The following MTBP variants were observed in gnomAD, a reference collection of about 807,000 sequenced individuals.
MTBP encodes MDM2 binding protein, also known as mdm2-binding protein.
In MTBP, 101 loss-of-function variants were observed where a neutral mutation model predicts 117.0. The ratio of observed to expected loss-of-function variants is 0.86; its 90% CI spans 0.73 to 1.02. The LOEUF is 1.02. MTBP is among the 50% of genes least tolerant of loss of function. The pLI is 0.00. For synonymous variants in MTBP, 350 were observed against 351.5 expected, an observed-to-expected ratio of 1.00 and a Z score of 0.05; for missense variants, 970 against 1,030.9, an observed-to-expected ratio of 0.94 and a Z score of 0.81.
intron 11 of MTBP, among the ~76,000 whole-genome samples, chr8:120,476,704 A>G (rs889082894): frequency 6.6e-6 from 1 of 152,200 alleles, no homozygotes; most frequent in Non-Finnish European, 1.5e-5. Flanking sequence ...AGGGCTGTGA[A>G]GGACCTTTTC....
intron 4 of MTBP, 22 bp from the exon 5 acceptor site, chr8:120,453,825 C>T: frequency 7.1e-7 from 1 of 1,414,856 alleles, no homozygotes; most frequent in Non-Finnish European, 9.7e-7. Context: ...TTTTCTTTCC[C>T]TAACTTACCC....
intron 15 of MTBP, among the ~76,000 whole-genome samples, chr8:120,503,719 G>C (rs945499697): frequency 6.6e-6 from 1 of 152,238 alleles, no homozygotes; most frequent in African/African-American, 2.4e-5. Flanking sequence ...AGAGCAGAGA[G>C]ACAGATGGCT....
rs573106346 is a variant in MTBP at position 120,478,866 on chromosome 8, C to A, written c.1165+7929C>A. Among the ~76,000 whole-genome samples, 587 of 152,010 alleles carry A rather than the reference C, an allele frequency of 3.9e-3. 2 individuals carry two copies. The highest frequency in any genetic ancestry group is 0.014 in the African/African-American group (561 of 41,462). ...ACGTATGCTACGGAATACTATGCAG[C>A]CATAAAAAATGATCCATAAACACCA... is the stretch of plus-strand genomic sequence containing the variant. On this transcript the variant is annotated intron_variant, in intron 11 of 21. Coordinates refer to ENST00000305949, the MANE Select transcript of MTBP (RefSeq NM_022045.5).
At chr8:120,465,163 T>A (rs1813661058) in intron 10 of MTBP, among the ~76,000 whole-genome samples, 1 of 152,170 alleles carries the variant, frequency 6.6e-6, no homozygotes, top group Non-Finnish European at 1.5e-5. Context: ...GCTCTCTGTA[T>A]ATCCCTGTCC....
chr8:120,493,776 C>T (rs1208189461), intron 13 of MTBP, among the ~76,000 whole-genome samples: 1 of 152,062 alleles, frequency 6.6e-6, no homozygotes, highest in African/African-American at 2.4e-5. Context: ...CAGGAGTGAG[C>T]CAACACACCC....
chr8:120,518,042 T>G lies in MTBP; in HGVS notation c.2438T>G (p.Met813Arg), dbSNP rs752359612. Residue 813 changes from methionine (M) to arginine (R), a missense_variant, in exon 19 of 22, where the codon ATG becomes AGG. Physicochemically the swap from Met to Arg is moderately conservative, Grantham distance 91. Transcript: ENST00000305949. ...ATKTSSGQKS[M>R]HESKTSRQIK... is the part of the protein sequence containing the mutation. ...AAGACCAGTTCAGGTCAAAAAAGTA[T>G]GCATGAATCAAAAACATCAAGGCAA... is the stretch of plus-strand genomic sequence containing the variant. The G allele has an allele frequency of 1.2e-6, 2 of 1,612,796 alleles. No homozygotes were observed. The highest frequency in any genetic ancestry group is 2.2e-5 in the South Asian group (2 of 91,024).
chr8:120,506,813 C>T lies in MTBP; in HGVS notation c.1835C>T (p.Ser612Leu). Residue 612 changes from serine (S) to leucine (L), a missense_variant, in exon 16 of 22, where the codon TCA becomes TTA. Ser to Leu is a moderately radical substitution (Grantham distance 145). Transcript: ENST00000305949. ...DAKELLKYFT[S>L]DGLPIGDLQP... ...AAAGAATTGCTGAAGTACTTTACCT[C>T]AGATGGATTACCCATTGGAGATCTT... The T allele has an allele frequency of 6.2e-7, 1 of 1,613,528 alleles. No homozygotes were observed. Among genetic ancestry groups the T allele is most frequent in the South Asian group, 1.1e-5 (1 of 91,016 alleles).
intron 11 of MTBP, among the ~76,000 whole-genome samples, chr8:120,478,403 GA>G (rs894161824): frequency 1.9e-4 from 27 of 143,354 alleles, no homozygotes; most frequent in African/African-American, 2.8e-4. Context: ...GTATAATAAA[GA>G]AAAAAAAAAA....
chr8:120,518,751 C>G lies in MTBP; in HGVS notation c.2544C>G (p.Thr848=), dbSNP rs751239148. 6.2e-7 allele frequency: 1 copy of G among 1,611,480 alleles called. No homozygotes were observed. Among genetic ancestry groups the G allele is most frequent in the Admixed American group, 1.7e-5 (1 of 59,798 alleles). Residue 848 remains threonine (T), a synonymous_variant, in exon 20 of 22, where the codon ACC becomes ACG. Transcript: ENST00000305949. ...AAACCCTGAAGAAACACAGTATTAC[C>G]GAGACTCATGAATGTTTCACTGCAT... The part of the protein sequence containing the change: ...VTETLKKHSI[T]ETHECFTACS...
At chr8:120,483,560 A>T (rs1365928730) in intron 11 of MTBP, among the ~76,000 whole-genome samples, 2 of 152,156 alleles carry the variant, frequency 1.3e-5, no homozygotes, top group Admixed American at 6.6e-5. Flanking sequence ...TGAGTATTAT[A>T]AGGTTTTAAG....
intron 11 of MTBP, among the ~76,000 whole-genome samples, chr8:120,480,930 C>T (rs1270484125): frequency 6.6e-6 from 1 of 152,060 alleles, no homozygotes; most frequent in East Asian, 1.9e-4. Flanking sequence ...GAAAATAGTT[C>T]CAGTCGTATA....
intron 14 of MTBP, among the ~76,000 whole-genome samples, chr8:120,499,239 C>T (rs1449635530): frequency 6.6e-6 from 1 of 152,178 alleles, no homozygotes; most frequent in Admixed American, 6.5e-5. Flanking sequence ...TTTCTTTCTG[C>T]AGTGTCCTTT....
chr8:120,472,681 A>T (rs1219263185), intron 11 of MTBP: 1 of 152,212 alleles, frequency 6.6e-6, no homozygotes, highest in Admixed American at 6.5e-5. Context: ...GGCTCAGGAC[A>T]AACATATAGA....
At chr8:120,515,561 TTC>T (rs1814901519) in intron 17 of MTBP, among the ~76,000 whole-genome samples, 1 of 152,036 alleles carries the variant, frequency 6.6e-6, no homozygotes, top group African/African-American at 2.4e-5. Context: ...AAGTCAGCAG[TTC>T]ATGTTGTCAT....
intron 9 of MTBP, among the ~76,000 whole-genome samples, chr8:120,463,336 C>T (rs1338044721): frequency 1.3e-5 from 2 of 151,988 alleles, no homozygotes; most frequent in African/African-American, 4.8e-5. Context: ...TTTAGAAATA[C>T]ACCTAAGAAC....
chr8:120,489,325 C>T (rs1416999940), intron 12 of MTBP, among the ~76,000 whole-genome samples: 1 of 152,172 alleles, frequency 6.6e-6, no homozygotes. Context: ...GCGTGATCCA[C>T]TGCGCCCGGC....
At chr8:120,514,587 T>C (rs1306335971) in intron 17 of MTBP, among the ~76,000 whole-genome samples, 1 of 152,076 alleles carries the variant, frequency 6.6e-6, no homozygotes, top group African/African-American at 2.4e-5. Context: ...TCTTACACTT[T>C]ACATAGAGAT....
At chr8:120,514,166 A>G (rs185565101) in intron 17 of MTBP, among the ~76,000 whole-genome samples, 1 of 152,054 alleles carries the variant, frequency 6.6e-6, no homozygotes, top group African/African-American at 2.4e-5. Context: ...CACTGTAGCC[A>G]GGCAAACTAA....
Position 120,490,488 on chromosome 8 carries a change from T to G in MTBP, c.1365T>G (p.Leu455=). The G allele has an allele frequency of 6.2e-7, 1 of 1,606,534 alleles. No individual in the cohort carries two copies. Among genetic ancestry groups the G allele is most frequent in the Admixed American group, 1.7e-5 (1 of 58,656 alleles). ...KLSFPFDLLS[L]PHFSGEQIVQ... is the part of the protein sequence containing the mutation. ...GTTTTCCTTTTGACTTATTATCACT[T>G]CCACATTTTTCTGGGGAGCAGATTG... Residue 455 remains leucine (L), a synonymous_variant, in exon 13 of 22, where the codon CTT becomes CTG. Coordinates refer to ENST00000305949, the MANE Select transcript of MTBP (RefSeq NM_022045.5).
Sources: gnomAD v4.1 joint callset for allele counts (sites outside exome capture counted in the v4.1 genomes callset) on GRCh38, gnomAD v4.1.1 for gene constraint, MANE v1.5 for transcripts, NCBI Gene and HGNC (gene_info 2026-07-23, HGNC 2026-07-21) for gene names.